Variants in SEC24C observed in about 807,000 individuals in gnomAD.
The protein encoded by SEC24C is protein transport protein Sec24C.
Under a neutral mutation model 117.0 loss-of-function variants are expected in SEC24C, and 22 were observed. The ratio of observed to expected loss-of-function variants is 0.19; its 90% CI spans 0.13 to 0.27. SEC24C has a LOEUF of 0.27. Among genes scored for constraint, SEC24C ranks in the 10% least tolerant of loss-of-function variants. The pLI is 1.00. For synonymous variants in SEC24C, 506 were observed against 529.4 expected, an observed-to-expected ratio of 0.96 and a Z score of 0.61; for missense variants, 1,155 against 1,375.1, an observed-to-expected ratio of 0.84 and a Z score of 2.53.
At position 73,767,874 on chromosome 10, in the gene SEC24C, T is replaced by A; in HGVS notation, c.2048T>A (p.Leu683Gln). 1 of 1,613,332 alleles carries A rather than the reference T, an allele frequency of 6.2e-7. No homozygotes were observed. The highest frequency in any genetic ancestry group is 8.5e-7 in the Non-Finnish European group (1 of 1,179,602). ...FQPQTGAYQT[L>Q]AKECVAQGCC... is the part of the protein sequence containing the mutation. ...CCTCAGACAGGTGCCTATCAGACCCTGGCCAAAGAGTGTGTGGCCCAAGGC... is the reference window on the plus strand; with the variant it reads ...CCTCAGACAGGTGCCTATCAGACCCAGGCCAAAGAGTGTGTGGCCCAAGGC... Residue 683 changes from leucine to glutamine, a missense_variant, in exon 15 of 23, where the codon CTG becomes CAG. By Grantham distance (113) the Leu-to-Gln change is moderately radical (BLOSUM62 -2). Transcript: ENST00000345254.
chr10:73,766,025 C>T (rs565250700), intron 10 of SEC24C, 61 bp from the exon 11 acceptor site: 1 of 1,601,866 alleles, frequency 6.2e-7, no homozygotes, highest in Non-Finnish European at 8.5e-7. Flanking sequence ...ATGCTGACTT[C>T]TCTATAGTCA....
intron 3 of SEC24C, among the ~76,000 whole-genome samples, chr10:73,753,003 A>G (rs1220656995): frequency 6.6e-6 from 1 of 152,100 alleles, no homozygotes; most frequent in African/African-American, 2.4e-5. Context: ...CCCTCCCCTC[A>G]TAAATAACAA....
intron 1 of SEC24C, 43 bp from the exon 2 acceptor site, chr10:73,746,762 C>CTAA (rs2082559518): frequency 3.6e-5 from 52 of 1,433,598 alleles, no homozygotes; most frequent in Admixed American, 5.9e-5. Flanking sequence ...TAGTTGCTCT[C>CTAA]TTTAGAAAGT....
chr10:73,760,674 T>C (rs2082784129), intron 5 of SEC24C, 39 bp from the exon 6 acceptor site: 5 of 1,540,218 alleles, frequency 3.2e-6, no homozygotes, highest in Non-Finnish European at 4.4e-6. Flanking sequence ...GAGATAGGGA[T>C]GGGATTTTGA....
At chr10:73,764,454 G>A (rs2082848647) in intron 8 of SEC24C, among the ~76,000 whole-genome samples, 2 of 151,444 alleles carry the variant, frequency 1.3e-5, no homozygotes, top group African/African-American at 4.9e-5. Context: ...AACCCGGGAG[G>A]CAGAGCTTGC....
intron 20 of SEC24C, 68 bp from the exon 21 acceptor site, chr10:73,770,212 G>T: frequency 6.8e-7 from 1 of 1,464,460 alleles, no homozygotes; most frequent in Non-Finnish European, 9.3e-7. Flanking sequence ...AAAATTTTGT[G>T]TGTGGTGCGG....
At chr10:73,760,927 C>A in intron 6 of SEC24C, 78 bp downstream of exon 6, 2 of 1,384,790 alleles carry the variant, frequency 1.4e-6, no homozygotes, top group East Asian at 2.5e-5. Flanking sequence ...GAAATGTTTG[C>A]CTAGCATTTT....
chr10:73,769,829 C>T lies in SEC24C; in HGVS notation c.2683-7C>T. 6.2e-7 allele frequency: 1 copy of T among 1,613,644 alleles called. No individual in the cohort carries two copies. The highest frequency in any genetic ancestry group is 8.5e-7 in the Non-Finnish European group (1 of 1,179,632). ...GATCATTGACTTTATTTTGATAATC[C>T]CCTCAGTTGATCCTTCCTGAGTGCA... On this transcript the variant is annotated splice_polypyrimidine_tract_variant and splice_region_variant and intron_variant, in intron 19 of 22. Transcript: ENST00000345254. This position sits in a 1 kb window ranked among gnomAD's most constrained non-coding sequence, Gnocchi z 4.5.
intron 8 of SEC24C, among the ~76,000 whole-genome samples, chr10:73,764,300 G>A (rs1384692290): frequency 6.6e-6 from 1 of 152,098 alleles, no homozygotes; most frequent in African/African-American, 2.4e-5. Context: ...TGAGGCGGGT[G>A]GATCACGAGG....
intron 3 of SEC24C, among the ~76,000 whole-genome samples, chr10:73,755,026 G>C (rs1188326810): frequency 6.6e-6 from 1 of 152,102 alleles, no homozygotes; most frequent in African/African-American, 2.4e-5. Flanking sequence ...CCAGCTTCTT[G>C]GGAGGCTGAG....
At chr10:73,758,701 A>G (rs928947118) in intron 3 of SEC24C, among the ~76,000 whole-genome samples, 1 of 152,182 alleles carries the variant, frequency 6.6e-6, no homozygotes, top group Non-Finnish European at 1.5e-5. Context: ...TTAGCATAAT[A>G]TTTTCAAAGT....
chr10:73,746,158 C>CCA (rs763924543), intron 1 of SEC24C, among the ~76,000 whole-genome samples: 5 of 93,062 alleles, frequency 5.4e-5, no homozygotes, highest in Non-Finnish European at 8.0e-5. Context: ...GACTCCGTCT[C>CCA]AAAAAAAAAA....
Position 73,746,996 on chromosome 10 carries a change from C to T in SEC24C, c.164C>T (p.Pro55Leu), listed in dbSNP as rs779067169. 1.7e-5 allele frequency: 27 copies of T among 1,612,170 alleles called. No individual in the cohort carries two copies. Among genetic ancestry groups the T allele is most frequent in the African/African-American group, 4.0e-5 (3 of 74,868 alleles). The change falls in exon 2 of 23, where the codon CCT (proline) becomes CTT (leucine). Residue 55 changes from proline to leucine, a missense_variant. Coordinates refer to ENST00000345254, the MANE Select transcript of SEC24C (RefSeq NM_198597.3). Reference protein sequence around the residue: ...NGPVPGYQQTPPQGMSRAPPS... With the variant: ...NGPVPGYQQTLPQGMSRAPPS... ...CCAGTACCAGGCTATCAGCAAACAC[C>T]TCCCCAAGGTATGTTTCTGTTTCTG...
intron 4 of SEC24C, 22 bp from the exon 5 acceptor site, chr10:73,759,996 C>T (rs776747017): frequency 6.5e-7 from 1 of 1,542,236 alleles, no homozygotes; most frequent in Non-Finnish European, 8.7e-7. Flanking sequence ...GCTTTTGACT[C>T]TACCTTTATT....
rs1262539630 is a variant in SEC24C at position 73,771,736 on chromosome 10, C to G, written c.*641C>G. The G allele has an allele frequency of 6.5e-6, 1 of 153,344 alleles. No homozygotes were observed. Among genetic ancestry groups the G allele is most frequent in the Admixed American group, 6.5e-5 (1 of 15,298 alleles). The allele number at this position is 153,344 out of a possible 1,614,324, so 9.5% of individuals were successfully genotyped here. On this transcript the variant is annotated 3_prime_UTR_variant, in exon 23 of 23. Coordinates refer to ENST00000345254, the MANE Select transcript of SEC24C (RefSeq NM_198597.3). ...ACTGAGTTGCAAAATATATTAAGAT[C>G]TGGTAGAGGTACCAGCTTCCTTTCC...
intron 2 of SEC24C, among the ~76,000 whole-genome samples, chr10:73,748,823 A>C (rs1048944390): frequency 6.6e-6 from 1 of 150,640 alleles, no homozygotes; most frequent in Non-Finnish European, 1.5e-5. Flanking sequence ...GCTCACTGCA[A>C]CCTCTGCCTC....
chr10:73,772,154 A>G lies in SEC24C; in HGVS notation c.*1059A>G, dbSNP rs2082995223. On this transcript the variant is annotated 3_prime_UTR_variant, in exon 23 of 23. Transcript: ENST00000345254. Reference sequence around the variant, plus strand: ...ATTTGTAAAGAAATAAAATAAATTAAGATGTAACCATTAGCCTCATCTTTA... The same window carrying G: ...ATTTGTAAAGAAATAAAATAAATTAGGATGTAACCATTAGCCTCATCTTTA... 1 of 429,118 alleles carries G rather than the reference A, an allele frequency of 2.3e-6. No homozygotes were observed. Among genetic ancestry groups the G allele is most frequent in the African/African-American group, 2.0e-5 (1 of 48,960 alleles). The allele number at this position is 429,118 out of a possible 1,614,324, so 26.6% of individuals were successfully genotyped here.
chr10:73,770,039 A>C, intron 20 of SEC24C, 24 bp downstream of exon 20: 1 of 1,610,966 alleles, frequency 6.2e-7, no homozygotes, highest in Non-Finnish European at 8.5e-7. Flanking sequence ...TTGGAGTATG[A>C]GATCTTGCAC....
At chr10:73,763,833 G>A (rs554890999) in intron 7 of SEC24C, 23 bp from the exon 8 acceptor site, 6 of 1,610,930 alleles carry the variant, frequency 3.7e-6, no homozygotes, top group Admixed American at 3.3e-5. Flanking sequence ...GATCTGACTC[G>A]GGTCTTCTGC....
Sources: allele counts gnomAD v4.1 joint callset (sites outside exome capture counted in the v4.1 genomes callset), GRCh38; gene constraint gnomAD v4.1.1; non-coding constraint Gnocchi (gnomAD v3.1); transcripts MANE v1.5; gene names NCBI Gene and HGNC (gene_info 2026-07-23, HGNC 2026-07-21).